Variants in CCDC102B observed in about 807,000 individuals in gnomAD.
CCDC102B encodes the protein coiled-coil domain-containing protein 102B.
In CCDC102B, 75 loss-of-function variants were observed where a neutral mutation model predicts 57.4. The ratio of observed to expected loss-of-function variants is 1.31; its 90% CI spans 1.08 to 1.58. CCDC102B has a LOEUF of 1.58. CCDC102B is among the 40% of genes most tolerant of loss of function. The pLI is 0.00. For missense variants in CCDC102B, 636 were observed against 582.6 expected (o/e 1.09, Z -0.94); for synonymous variants, 206 against 201.9 (o/e 1.02, Z -0.17).
At chr18:68,716,597 A>T (rs768280182) in intron 2 of CCDC102B, 3 of 152,190 alleles carry the variant, frequency 2.0e-5, no homozygotes, top group Non-Finnish European at 1.5e-5. Context: ...CAACTGAGGT[A>T]TGTGAATCTA....
chr18:68,790,644 C>G (rs1022565462), intron 2 of CCDC102B, among the ~76,000 whole-genome samples: 4 of 152,026 alleles, frequency 2.6e-5, no homozygotes, highest in East Asian at 1.9e-4. Context: ...ACTCCCTGAC[C>G]CCTTGCGCTT....
intron 2 of CCDC102B, among the ~76,000 whole-genome samples, chr18:68,723,740 C>T (rs1455499473): frequency 6.6e-6 from 1 of 152,204 alleles, no homozygotes; most frequent in Non-Finnish European, 1.5e-5. Flanking sequence ...CCACTCCTGG[C>T]TGCTTTCACA....
chr18:68,910,939 A>G (rs2040819548), intron 6 of CCDC102B, among the ~76,000 whole-genome samples: 1 of 149,080 alleles, frequency 6.7e-6, no homozygotes, highest in Non-Finnish European at 1.5e-5. Flanking sequence ...AAAAAAACAG[A>G]TGATGGTGAG....
At chr18:68,733,772 T>C (rs374144991) in intron 2 of CCDC102B, among the ~76,000 whole-genome samples, 1 of 152,096 alleles carries the variant, frequency 6.6e-6, no homozygotes, top group East Asian at 1.9e-4. Flanking sequence ...TTTTACACTT[T>C]ATTGCATGTT....
chr18:69,042,323 A>G (rs1347621840), intron 7 of CCDC102B, among the ~76,000 whole-genome samples: 1 of 152,142 alleles, frequency 6.6e-6, no homozygotes, highest in African/African-American at 2.4e-5. Context: ...GGATAACTTC[A>G]GATTTCTAAT....
intron 2 of CCDC102B, among the ~76,000 whole-genome samples, chr18:68,768,294 GC>G (rs2034531914): frequency 6.6e-6 from 1 of 152,208 alleles, no homozygotes; most frequent in Non-Finnish European, 1.5e-5. Flanking sequence ...CCTAATGATA[GC>G]CTTTTCCAGG....
At chr18:69,013,838 A>G (rs2051587154) in intron 7 of CCDC102B, among the ~76,000 whole-genome samples, 1 of 152,206 alleles carries the variant, frequency 6.6e-6, no homozygotes. Flanking sequence ...CAGTTGTAAG[A>G]CCACCTGATT....
intron 6 of CCDC102B, among the ~76,000 whole-genome samples, chr18:68,992,037 G>A (rs868158991): frequency 6.6e-6 from 1 of 151,632 alleles, no homozygotes. Context: ...ACACTTAAAC[G>A]TTTATCTAGT....
intron 1 of CCDC102B, among the ~76,000 whole-genome samples, chr18:68,828,413 C>G (rs1299228117): frequency 3.0e-5 from 4 of 133,840 alleles, no homozygotes; most frequent in African/African-American, 5.5e-5. Context: ...TGAAATCAAA[C>G]TAAAAATCAA....
At chr18:68,949,709 C>A in intron 6 of CCDC102B, among the ~76,000 whole-genome samples, 1 of 152,194 alleles carries the variant, frequency 6.6e-6, no homozygotes, top group South Asian at 2.1e-4. Flanking sequence ...GAAATCTTTT[C>A]TCTTTCTATC....
intron 2 of CCDC102B, among the ~76,000 whole-genome samples, chr18:68,744,556 C>T (rs905253725): frequency 1.2e-4 from 18 of 152,132 alleles, no homozygotes; most frequent in African/African-American, 4.1e-4. Flanking sequence ...CCATGAGTTG[C>T]TACATAAGAA....
chr18:68,716,289 A>AT (rs10707437), intron 1 of CCDC102B, among the ~76,000 whole-genome samples: 280 of 149,148 alleles, frequency 1.9e-3, no homozygotes, highest in African/African-American at 6.4e-3. Context: ...CCCATATTCA[A>AT]TTTTTTTTTT....
At chr18:68,985,979 A>C (rs1185275061) in intron 6 of CCDC102B, among the ~76,000 whole-genome samples, 1 of 152,182 alleles carries the variant, frequency 6.6e-6, no homozygotes, top group Non-Finnish European at 1.5e-5. Flanking sequence ...ATAAAATATT[A>C]CTCAAGTGAT....
intron 6 of CCDC102B, among the ~76,000 whole-genome samples, chr18:68,949,451 G>C (rs2049632956): frequency 6.6e-6 from 1 of 152,118 alleles, no homozygotes; most frequent in African/African-American, 2.4e-5. Context: ...AGAAGCAGCA[G>C]CACAAACTAA....
intron 2 of CCDC102B, among the ~76,000 whole-genome samples, chr18:68,775,528 G>A (rs2034781134): frequency 6.6e-6 from 1 of 151,896 alleles, no homozygotes; most frequent in African/African-American, 2.4e-5. Context: ...TAGATTTAGA[G>A]GTTTAATCTC....
intron 1 of CCDC102B, among the ~76,000 whole-genome samples, chr18:68,819,919 A>G (rs1379211040): frequency 5.3e-5 from 8 of 152,082 alleles, no homozygotes; most frequent in Non-Finnish European, 1.2e-4. Flanking sequence ...AATTGTGTAT[A>G]TTGACTTTAG....
intron 2 of CCDC102B, among the ~76,000 whole-genome samples, chr18:68,837,691 G>A (rs567495): frequency 0.98 from 148,666 of 152,108 alleles, 72,734 homozygotes; most frequent in East Asian, 1. Flanking sequence ...TCTTGTAAGG[G>A]CACCATCATT....
intron 7 of CCDC102B, among the ~76,000 whole-genome samples, chr18:69,049,375 C>G (rs1241487659): frequency 6.6e-6 from 1 of 151,266 alleles, no homozygotes; most frequent in African/African-American, 2.4e-5. Context: ...TGAATTCATC[C>G]TTTTTTTTTC....
chr18:68,965,182 A>G (rs573012915), intron 6 of CCDC102B, among the ~76,000 whole-genome samples: 1 of 152,042 alleles, frequency 6.6e-6, no homozygotes, highest in African/African-American at 2.4e-5. Flanking sequence ...TAGGACTCCA[A>G]TGAAATGAAT....
Sources: gnomAD v4.1 joint callset for allele counts (sites outside exome capture counted in the v4.1 genomes callset) on GRCh38, gnomAD v4.1.1 for gene constraint, MANE v1.5 for transcripts, NCBI Gene and HGNC (gene_info 2026-07-23, HGNC 2026-07-21) for gene names.